FAM193A: variants seen among roughly 807,000 people sequenced by gnomAD.
FAM193A encodes the protein family with sequence similarity 193 member A, also known as protein FAM193A.
FAM193A carries 22 observed loss-of-function variants against 126.5 expected under a neutral mutation model. The observed-to-expected ratio is 0.17, with a 90% CI of 0.12 to 0.25. FAM193A has a LOEUF of 0.25. FAM193A is among the 10% of genes least tolerant of loss of function. The pLI, the probability that FAM193A is intolerant of heterozygous loss-of-function variation, is 1.00. For synonymous variants in FAM193A, 761 were observed against 646.8 expected (o/e 1.18, Z -2.68); for missense variants, 1,675 against 1,672.8 (o/e 1.00, Z -0.02).
At chr4:2,633,618 G>A (rs1295358494) in intron 5 of FAM193A, among the ~76,000 whole-genome samples, 4 of 151,836 alleles carry the variant, frequency 2.6e-5, no homozygotes, top group East Asian at 1.9e-4. Context: ...TAAGCCAGGC[G>A]TGGTGGCTTA....
chr4:2,715,669 G>T (rs549674799), intron 19 of FAM193A, among the ~76,000 whole-genome samples: 2 of 152,172 alleles, frequency 1.3e-5, no homozygotes, highest in Non-Finnish European at 2.9e-5. Flanking sequence ...CAGTCCCTGG[G>T]CTTGCGTGCG....
chr4:2,617,240 TTATATA>T lies in FAM193A; in HGVS notation c.502-8004_502-7999del, dbSNP rs1553895142. Among the ~76,000 whole-genome samples the T allele has an allele frequency of 3.4e-4, 12 of 35,244 alleles. 1 individual carries two copies. Among genetic ancestry groups the T allele is most frequent in the African/African-American group, 1.6e-3 (6 of 3,698 alleles). 23.1% of individuals were successfully genotyped at this position (35,244 alleles called of 152,430 possible). ...TGTATTGGTCAGAAGTATGTTTTTA[TTATATA>T]TATATATATATATATATTTTTTTTT... is the stretch of plus-strand genomic sequence containing the variant. On this transcript the variant is annotated intron_variant, in intron 2 of 20. Coordinates refer to ENST00000637812, the MANE Select transcript of FAM193A (RefSeq NM_001366318.2).
chr4:2,624,085 G>A (rs1742729440), intron 2 of FAM193A, among the ~76,000 whole-genome samples: 1 of 152,150 alleles, frequency 6.6e-6, no homozygotes. Context: ...AACTGAGCGG[G>A]AGGAGGAACC....
At chr4:2,584,698 G>A (rs1740136191) in intron 1 of FAM193A, among the ~76,000 whole-genome samples, 1 of 152,088 alleles carries the variant, frequency 6.6e-6, no homozygotes, top group Non-Finnish European at 1.5e-5. Context: ...AGGCCGAGGT[G>A]GGCAGATCAT....
chr4:2,610,718 C>T (rs1741815021), intron 2 of FAM193A, among the ~76,000 whole-genome samples: 1 of 151,984 alleles, frequency 6.6e-6, no homozygotes, highest in Non-Finnish European at 1.5e-5. Flanking sequence ...ATGAGTAGAG[C>T]TACTAGGAAC....
At chr4:2,698,214 A>G (rs1009801669) in intron 18 of FAM193A, among the ~76,000 whole-genome samples, 3 of 152,228 alleles carry the variant, frequency 2.0e-5, no homozygotes, top group Non-Finnish European at 4.4e-5. Context: ...GTGCTGGGGC[A>G]GCCGTTCTGC....
Position 2,662,985 on chromosome 4 carries a change from G to C in FAM193A, c.1893G>C (p.Lys631Asn). The change falls in exon 11 of 21, where the codon AAG becomes AAC. Residue 631 changes from lysine (K) to asparagine (N), a missense_variant. By Grantham distance (94) the Lys-to-Asn change is moderately conservative. Coordinates refer to ENST00000637812, the MANE Select transcript of FAM193A (RefSeq NM_001366318.2). Reference sequence around the variant, plus strand: ...GTGGCGGGGAAAACATGGCCCTGAAGGATGAGGTATGGACATGGCTTCTTC... The same window carrying C: ...GTGGCGGGGAAAACATGGCCCTGAACGATGAGGTATGGACATGGCTTCTTC... ...LNGGGENMAL[K>N]DESPQISSTS... is the part of the protein sequence containing the mutation. 1.2e-6 allele frequency: 2 copies of C among 1,612,562 alleles called. No individual in the cohort carries two copies. Among genetic ancestry groups the C allele is most frequent in the Non-Finnish European group, 1.7e-6 (2 of 1,178,696 alleles).
chr4:2,621,168 G>C (rs2108965833), intron 2 of FAM193A, among the ~76,000 whole-genome samples: 1 of 152,306 alleles, frequency 6.6e-6, no homozygotes, highest in African/African-American at 2.4e-5. Context: ...CAGGAACCTG[G>C]AGGGAGACCC....
chr4:2,560,459 A>G (rs1312536349), intron 1 of FAM193A, among the ~76,000 whole-genome samples: 1 of 152,178 alleles, frequency 6.6e-6, no homozygotes, highest in Non-Finnish European at 1.5e-5. Context: ...TGCTTGGCAC[A>G]TAGTACATAG....
intron 7 of FAM193A, among the ~76,000 whole-genome samples, chr4:2,652,120 A>C (rs2237002): frequency 0.8 from 121,620 of 152,060 alleles, 48,753 homozygotes; most frequent in Admixed American, 0.87. Flanking sequence ...TTCATTGTTT[A>C]CCAGGGATTT....
intron 2 of FAM193A, among the ~76,000 whole-genome samples, chr4:2,600,479 C>G (rs1741133670): frequency 6.6e-6 from 1 of 152,192 alleles, no homozygotes; most frequent in Non-Finnish European, 1.5e-5. Flanking sequence ...GCATGGGCAT[C>G]TAGTGCGTTT....
At chr4:2,576,889 TGTAGCAGATACA>T (rs1271561582) in intron 1 of FAM193A, among the ~76,000 whole-genome samples, 2 of 152,234 alleles carry the variant, frequency 1.3e-5, no homozygotes, top group Non-Finnish European at 2.9e-5. Flanking sequence ...ATGGAGATAC[TGTAGCAGATACA>T]GAGGCAGCAG....
At position 2,587,297 on chromosome 4, in the gene FAM193A, C is replaced by T. The variant is rs75713745; in HGVS notation, c.256-8787C>T. Among the ~76,000 whole-genome samples, 647 of 152,246 alleles carry T rather than the reference C, an allele frequency of 4.2e-3. 2 individuals are homozygous for T. The highest frequency in any genetic ancestry group is 0.015 in the African/African-American group (623 of 41,534). The stretch of plus-strand genomic sequence containing the variant: ...GTGCCAGGCTGTTTTTAACAGCTAG[C>T]TCTCAGGGAACTAATGGAATGAGAA... On this transcript the variant is annotated intron_variant, in intron 1 of 20. Coordinates refer to ENST00000637812, the MANE Select transcript of FAM193A (RefSeq NM_001366318.2).
chr4:2,601,653 C>T (rs1741203284), intron 2 of FAM193A, among the ~76,000 whole-genome samples: 1 of 151,122 alleles, frequency 6.6e-6, no homozygotes, highest in Non-Finnish European at 1.5e-5. Context: ...CTTTGGGAGG[C>T]CGAAGCAGGA....
At chr4:2,611,474 A>G (rs554832575) in intron 2 of FAM193A, among the ~76,000 whole-genome samples, 2 of 151,756 alleles carry the variant, frequency 1.3e-5, no homozygotes, top group East Asian at 2.0e-4. Flanking sequence ...GGGTTTCACC[A>G]TGTTGGTCAG....
At chr4:2,627,452 T>C (rs1743090130) in intron 4 of FAM193A, among the ~76,000 whole-genome samples, 1 of 77,752 alleles carries the variant, frequency 1.3e-5, no homozygotes, top group South Asian at 6.0e-4. Flanking sequence ...TCCGGCAACA[T>C]AACATATTTT....
At chr4:2,668,074 T>A (rs1713333918) in intron 12 of FAM193A, among the ~76,000 whole-genome samples, 1 of 152,012 alleles carries the variant, frequency 6.6e-6, no homozygotes, top group South Asian at 2.1e-4. Flanking sequence ...CCGGCTAAGT[T>A]TTTTAATTTT....
At chr4:2,707,533 C>T (rs1413583381) in intron 19 of FAM193A, among the ~76,000 whole-genome samples, 2 of 151,830 alleles carry the variant, frequency 1.3e-5, no homozygotes, top group African/African-American at 4.8e-5. Context: ...TAAAAGAATG[C>T]AAAATATCTC....
At chr4:2,695,779 C>T (rs1716964620) in intron 17 of FAM193A, among the ~76,000 whole-genome samples, 1 of 152,102 alleles carries the variant, frequency 6.6e-6, no homozygotes, top group African/African-American at 2.4e-5. Flanking sequence ...TGTTAAATAA[C>T]AGGTAGAGGC....
Sources: allele counts gnomAD v4.1 joint callset (sites outside exome capture counted in the v4.1 genomes callset), GRCh38; gene constraint gnomAD v4.1.1; transcripts MANE v1.5; gene names NCBI Gene and HGNC (gene_info 2026-07-23, HGNC 2026-07-21).